IGF1R: variants seen among roughly 807,000 people sequenced by gnomAD.
The protein encoded by IGF1R is insulin like growth factor 1 receptor.
A neutral mutation model predicts 144.6 loss-of-function variants in IGF1R; 44 were observed. The ratio of observed to expected loss-of-function variants is 0.30; its 90% confidence interval spans 0.24 to 0.39. The LOEUF (loss-of-function observed/expected upper bound fraction) is 0.39, where lower values mean the gene tolerates loss of function less well. Ranked by LOEUF, IGF1R falls within the 10% of genes least tolerant of loss-of-function variation. The probability of loss-of-function intolerance (pLI) is 1.00; values close to 1 mark genes in which losing one functional copy is unlikely to be tolerated. For missense variants in IGF1R, 1,355 were observed against 1,833.7 expected (o/e 0.74, Z 4.77); for synonymous variants, 795 against 722.8 (o/e 1.10, Z -1.60).
In IGF1R at chr15:98,851,324, T is replaced by C. The variant is rs1400961608; in HGVS notation, c.641-40001T>C. Among the ~76,000 whole-genome samples, 4 of 152,100 alleles carry C rather than the reference T, an allele frequency of 2.6e-5. No homozygotes were observed. The East Asian group carries it at 7.7e-4, about 29-fold the overall frequency. ...GCAGAGAGGCCCCCCAGGTGGCAAG[T>C]TTGCACCCTGTTGCTTCCTGCAAGG... On this transcript the variant is annotated intron_variant, in intron 2 of 20. Transcript: ENST00000650285.
intron 2 of IGF1R, among the ~76,000 whole-genome samples, chr15:98,843,812 A>G (rs1427771837): frequency 6.6e-6 from 1 of 152,226 alleles, no homozygotes; most frequent in Non-Finnish European, 1.5e-5. Context: ...AACAGTTGCT[A>G]GAGAAGAAGC....
At chr15:98,840,217 A>G (rs1316238759) in intron 2 of IGF1R, among the ~76,000 whole-genome samples, 1 of 152,192 alleles carries the variant, frequency 6.6e-6, no homozygotes, top group African/African-American at 2.4e-5. Context: ...AGAGTGTGTT[A>G]CATGAGCTCA....
intron 20 of IGF1R, 94 bp from the exon 21 acceptor site, chr15:98,956,967 T>C (rs1347730129): frequency 2.9e-6 from 4 of 1,384,024 alleles, no homozygotes; most frequent in African/African-American, 2.8e-5. Context: ...CGCCGTACGC[T>C]TGTATGCGGG....
chr15:98,892,992 A>C (rs757103057), intron 3 of IGF1R, among the ~76,000 whole-genome samples: 13 of 152,226 alleles, frequency 8.5e-5, no homozygotes, highest in Non-Finnish European at 1.6e-4. Context: ...ACTCCAGCAC[A>C]GGCAACAGAG....
At position 98,919,970 on chromosome 15, in the gene IGF1R, G is replaced by A. The variant is rs116625596; in HGVS notation, c.2202-2178G>A. The stretch of plus-strand genomic sequence containing the variant: ...CCTTATAAATTGTCCAGAATATCCT[G>A]TATGTTTTGAAGTACAGTGGAAGCT... On this transcript the variant is annotated intron_variant, in intron 10 of 20. Coordinates refer to ENST00000650285, the MANE Select transcript of IGF1R (RefSeq NM_000875.5). Among the ~76,000 whole-genome samples, 1,393 of 152,330 alleles carry A rather than the reference G, an allele frequency of 9.1e-3. 30 individuals are homozygous for A. The highest frequency in any genetic ancestry group is 0.032 in the African/African-American group (1,333 of 41,562).
At chr15:98,782,626 A>G (rs2055885788) in intron 2 of IGF1R, among the ~76,000 whole-genome samples, 1 of 152,228 alleles carries the variant, frequency 6.6e-6, no homozygotes, top group African/African-American at 2.4e-5. Flanking sequence ...TAAAGCTGGA[A>G]TGATGGACAT....
At chr15:98,926,158 T>C (rs1033870866) in intron 13 of IGF1R, among the ~76,000 whole-genome samples, 1 of 151,872 alleles carries the variant, frequency 6.6e-6, no homozygotes, top group Non-Finnish European at 1.5e-5. Flanking sequence ...AAGAAAAATG[T>C]CGTTTGTGGC....
chr15:98,942,773 T>C, intron 18 of IGF1R, 150 bp from the exon 19 acceptor site: 2 of 871,554 alleles, frequency 2.3e-6, no homozygotes, highest in Non-Finnish European at 3.7e-6. Context: ...CCTTATAAAA[T>C]TGCAAACCCT....
At chr15:98,663,694 G>A (rs1317843685) in intron 1 of IGF1R, among the ~76,000 whole-genome samples, 2 of 152,216 alleles carry the variant, frequency 1.3e-5, no homozygotes, top group African/African-American at 4.8e-5. Context: ...GGCTGGGCCC[G>A]AGGCTGGTTC....
intron 1 of IGF1R, among the ~76,000 whole-genome samples, chr15:98,650,364 G>C (rs2052327695): frequency 6.6e-6 from 1 of 152,144 alleles, no homozygotes; most frequent in African/African-American, 2.4e-5. Flanking sequence ...CGGCGTCCCG[G>C]GGCTGGGCGG....
chr15:98,681,808 G>C (rs1436994248), intron 1 of IGF1R, among the ~76,000 whole-genome samples: 1 of 152,184 alleles, frequency 6.6e-6, no homozygotes, highest in East Asian at 1.9e-4. Context: ...GCTAATACTT[G>C]AATTTAGGGT....
chr15:98,665,152 C>T (rs1035990781), intron 1 of IGF1R, among the ~76,000 whole-genome samples: 4 of 152,068 alleles, frequency 2.6e-5, no homozygotes, highest in Admixed American at 6.5e-5. Context: ...GGGGTTTCAC[C>T]GTGTTAGCCA....
At chr15:98,865,048 G>A (rs2012354254) in intron 2 of IGF1R, among the ~76,000 whole-genome samples, 1 of 152,162 alleles carries the variant, frequency 6.6e-6, no homozygotes, top group South Asian at 2.1e-4. Context: ...AAGAATCGTA[G>A]GCATCTCAGT....
At chr15:98,810,210 T>C (rs1272112877) in intron 2 of IGF1R, among the ~76,000 whole-genome samples, 1 of 152,158 alleles carries the variant, frequency 6.6e-6, no homozygotes, top group Non-Finnish European at 1.5e-5. Flanking sequence ...GGTGTACTGC[T>C]CTCTGCTTTC....
At chr15:98,759,997 G>T (rs878998215) in intron 2 of IGF1R, among the ~76,000 whole-genome samples, 1 of 152,162 alleles carries the variant, frequency 6.6e-6, no homozygotes, top group Non-Finnish European at 1.5e-5. Context: ...TGGTTATTGT[G>T]TGAGAACACC....
intron 18 of IGF1R, among the ~76,000 whole-genome samples, chr15:98,940,769 A>T (rs913678589): frequency 1.3e-5 from 2 of 152,206 alleles, no homozygotes; most frequent in African/African-American, 4.8e-5. Flanking sequence ...AGAGGTATTG[A>T]AATGGAACCA....
At chr15:98,717,970 CGT>C (rs1412810280) in intron 2 of IGF1R, among the ~76,000 whole-genome samples, 1 of 152,072 alleles carries the variant, frequency 6.6e-6, no homozygotes, top group Non-Finnish European at 1.5e-5. Context: ...TGCACGTGTG[CGT>C]GTGTGTTTGT....
At chr15:98,905,861 A>C (rs1229415335) in intron 5 of IGF1R, among the ~76,000 whole-genome samples, 2 of 152,186 alleles carry the variant, frequency 1.3e-5, no homozygotes, top group African/African-American at 4.8e-5. Flanking sequence ...CCTTCTCTTA[A>C]TTCTCACCTA....
intron 2 of IGF1R, among the ~76,000 whole-genome samples, chr15:98,759,128 A>G (rs1407304340): frequency 1.3e-5 from 2 of 152,162 alleles, no homozygotes; most frequent in African/African-American, 4.8e-5. Flanking sequence ...AATGACATCA[A>G]TTGTATGCCT....
Sources: allele counts gnomAD v4.1 joint callset (sites outside exome capture counted in the v4.1 genomes callset), GRCh38; gene constraint gnomAD v4.1.1; transcripts MANE v1.5; gene names NCBI Gene and HGNC (gene_info 2026-07-23, HGNC 2026-07-21).